The following SLC25A12 variants were observed in gnomAD, a reference collection of about 807,000 sequenced individuals.
The protein encoded by SLC25A12 is electrogenic aspartate/glutamate antiporter SLC25A12, mitochondrial.
A neutral mutation model predicts 83.3 loss-of-function variants in SLC25A12; 32 were observed. The observed-to-expected ratio is 0.38, with a 90% CI of 0.29 to 0.52. The LOEUF (loss-of-function observed/expected upper bound fraction) is 0.52, where lower values mean the gene tolerates loss of function less well. Among genes scored for constraint, SLC25A12 ranks in the 20% least tolerant of loss-of-function variants. The probability of loss-of-function intolerance (pLI) is 0.84; values close to 1 mark genes in which losing one functional copy is unlikely to be tolerated. For missense variants in SLC25A12, 611 were observed against 835.6 expected, an observed-to-expected ratio of 0.73 and a Z score of 3.31; for synonymous variants, 267 against 291.1, an observed-to-expected ratio of 0.92 and a Z score of 0.84.
intron 3 of SLC25A12, among the ~76,000 whole-genome samples, chr2:171,861,888 C>T (rs1233479297): frequency 6.6e-6 from 1 of 152,176 alleles, no homozygotes; most frequent in East Asian, 1.9e-4. Flanking sequence ...TAAGGAGGTA[C>T]TTTCACTCTT....
Position 171,809,601 on chromosome 2 carries a change from C to T in SLC25A12, c.1305+5G>A. ...TCACAAGAAGCGCCTAACAGTAATA[C>T]TTACACAGCCTCCAGCAAGAACTTC... is the stretch of plus-strand genomic sequence containing the variant. On this transcript the variant is annotated splice_donor_5th_base_variant and intron_variant, in intron 13 of 17. Coordinates refer to ENST00000422440, the MANE Select transcript of SLC25A12 (RefSeq NM_003705.5). 6.2e-7 allele frequency: 1 copy of T among 1,611,576 alleles called. No homozygotes were observed.
intron 8 of SLC25A12, among the ~76,000 whole-genome samples, chr2:171,832,864 T>G (rs1684472266): frequency 6.6e-6 from 1 of 152,134 alleles, no homozygotes; most frequent in Non-Finnish European, 1.5e-5. Context: ...TCTTTTCCTA[T>G]AAGAATGTTG....
At chr2:171,872,507 G>A (rs1685476498) in intron 2 of SLC25A12, among the ~76,000 whole-genome samples, 1 of 152,206 alleles carries the variant, frequency 6.6e-6, no homozygotes, top group Admixed American at 6.5e-5. Context: ...CAACTGGAAA[G>A]AAGGATGGAT....
chr2:171,833,730 C>T (rs866788197), intron 8 of SLC25A12, among the ~76,000 whole-genome samples: 4 of 151,976 alleles, frequency 2.6e-5, no homozygotes, highest in Admixed American at 6.6e-5. Context: ...TTCTTCTCTC[C>T]CTTGTTCTCT....
rs1684025563 is a variant in SLC25A12 at position 171,815,162 on chromosome 2, G to A, written c.971C>T (p.Ala324Val). Residue 324 changes from alanine (A) to valine (V), a missense_variant, in exon 10 of 18, where the codon GCC becomes GTC. Ala to Val is a moderately conservative substitution (Grantham distance 64). Around this residue, in one of 3 missense-constraint regions of SLC25A12, gnomAD observed 540 missense variants for 777.5 expected, o/e 0.69. Coordinates refer to ENST00000422440, the MANE Select transcript of SLC25A12 (RefSeq NM_003705.5). ...CAGAGTGAATCTGTAAGCAGACTCGGCAATCTGGAGCCAGATAGGCCTGCC... is the reference window on the plus strand; with the variant it reads ...CAGAGTGAATCTGTAAGCAGACTCGACAATCTGGAGCCAGATAGGCCTGCC... ...GLGRPIWLQI[A>V]ESAYRFTLGS... The A allele has an allele frequency of 6.2e-7, 1 of 1,613,710 alleles. No individual in the cohort carries two copies. The highest frequency in any genetic ancestry group is 8.5e-7 in the Non-Finnish European group (1 of 1,179,782).
At chr2:171,808,841 T>TCCCCCAA (rs1277056196) in intron 13 of SLC25A12, among the ~76,000 whole-genome samples, 1 of 140,690 alleles carries the variant, frequency 7.1e-6, no homozygotes, top group African/African-American at 2.6e-5. Context: ...CTGCTATCTC[T>TCCCCCAA]CCCCCAACCC....
intron 17 of SLC25A12, among the ~76,000 whole-genome samples, chr2:171,787,327 T>A (rs72881959): frequency 0.13 from 19,133 of 152,104 alleles, 1,544 homozygotes; most frequent in South Asian, 0.19. Context: ...CTGTCTTTTT[T>A]AAAAAAATTT....
intron 13 of SLC25A12, among the ~76,000 whole-genome samples, chr2:171,806,054 A>C (rs1683819400): frequency 6.6e-6 from 1 of 152,166 alleles, no homozygotes; most frequent in Non-Finnish European, 1.5e-5. Context: ...TCAAGGCTGC[A>C]GTGAGCTGAG....
At chr2:171,863,189 C>T (rs1228548377) in intron 3 of SLC25A12, among the ~76,000 whole-genome samples, 1 of 152,098 alleles carries the variant, frequency 6.6e-6, no homozygotes, top group African/African-American at 2.4e-5. Context: ...AGGTGTGAGC[C>T]ACTGTGCCCA....
chr2:171,789,948 C>T (rs1004936548), intron 15 of SLC25A12, among the ~76,000 whole-genome samples: 52 of 151,756 alleles, frequency 3.4e-4, no homozygotes, highest in African/African-American at 1.3e-3. Flanking sequence ...CTGCTACAAA[C>T]AGCTCACTGC....
intron 13 of SLC25A12, among the ~76,000 whole-genome samples, chr2:171,801,235 G>A (rs1683703080): frequency 6.6e-6 from 1 of 152,108 alleles, no homozygotes; most frequent in African/African-American, 2.4e-5. Context: ...TCCCCCAAAA[G>A]GACATCATAG....
intron 5 of SLC25A12, among the ~76,000 whole-genome samples, chr2:171,839,355 CT>C (rs1684624145): frequency 6.6e-6 from 1 of 151,940 alleles, no homozygotes; most frequent in African/African-American, 2.4e-5. Context: ...ATACTGTGGG[CT>C]TATAAAAGGT....
chr2:171,865,644 G>C (rs148910727), intron 3 of SLC25A12, among the ~76,000 whole-genome samples: 152 of 151,884 alleles, frequency 1.0e-3, no homozygotes, highest in Middle Eastern at 3.4e-3. Flanking sequence ...CTGGCCAACA[G>C]AGCAAGGCTC....
At chr2:171,886,504 T>C (rs1298626045) in intron 2 of SLC25A12, among the ~76,000 whole-genome samples, 1 of 149,930 alleles carries the variant, frequency 6.7e-6, no homozygotes, top group African/African-American at 2.5e-5. Flanking sequence ...ACCTTGTACA[T>C]ATATATTCTT....
chr2:171,850,277 G>A (rs1305178620), intron 4 of SLC25A12, among the ~76,000 whole-genome samples: 8 of 149,144 alleles, frequency 5.4e-5, no homozygotes, highest in African/African-American at 7.4e-5. Context: ...CACCACGCCC[G>A]GCTAATTTTT....
In SLC25A12 at chr2:171,884,230, G is replaced by C. The variant is rs184262988; in HGVS notation, c.66+8975C>G. On this transcript the variant is annotated intron_variant, in intron 2 of 17. Transcript: ENST00000422440. ...CCCCGAGACTGAGTCTTCCTCTGTC[G>C]CCCAGGCTGGAGTGCAATGACACGA... Among the ~76,000 whole-genome samples, 500 of 139,844 alleles carry C rather than the reference G, an allele frequency of 3.6e-3. 2 individuals carry two copies. The highest frequency in any genetic ancestry group is 0.012 in the African/African-American group (454 of 37,384). The allele number at this position is 139,844 out of a possible 152,430, so 91.7% of individuals were successfully genotyped here. A position where few individuals can be genotyped will look rare whatever the true frequency, so the allele number is the denominator to read the frequency against.
At chr2:171,889,638 C>G (rs1386567953) in intron 2 of SLC25A12, among the ~76,000 whole-genome samples, 1 of 152,106 alleles carries the variant, frequency 6.6e-6, no homozygotes, top group Non-Finnish European at 1.5e-5. Flanking sequence ...TGTAAAGAAA[C>G]TTTTTAAATT....
intron 6 of SLC25A12, 138 bp downstream of exon 6, chr2:171,836,980 ACAC>A (rs1684572509): frequency 2.6e-6 from 2 of 758,040 alleles, no homozygotes; most frequent in South Asian, 1.6e-5. Flanking sequence ...ACACACACAC[ACAC>A]AAACCTGTTT....
intron 6 of SLC25A12, 148 bp downstream of exon 6, chr2:171,836,973 C>T (rs945912123): frequency 2.8e-6 from 2 of 717,082 alleles, no homozygotes; most frequent in Admixed American, 2.1e-5. Context: ...CACACACACA[C>T]ACACACACAC....
Sources: allele counts gnomAD v4.1 joint callset (sites outside exome capture counted in the v4.1 genomes callset), GRCh38; gene constraint gnomAD v4.1.1; regional missense constraint gnomAD v4.1.1; transcripts MANE v1.5; gene names NCBI Gene and HGNC (gene_info 2026-07-23, HGNC 2026-07-21).